DOCK2: variants seen among roughly 807,000 people sequenced by gnomAD.
DOCK2 encodes dedicator of cytokinesis protein 2.
In DOCK2, 87 loss-of-function variants were observed where a neutral mutation model predicts 248.9. The ratio of observed to expected loss-of-function variants is 0.35; its 90% confidence interval spans 0.29 to 0.42. The LOEUF (loss-of-function observed/expected upper bound fraction) is 0.42. DOCK2 is among the 10% of genes least tolerant of loss of function. The pLI, the probability that DOCK2 is intolerant of heterozygous loss-of-function variation, is 1.00. For synonymous variants in DOCK2, 805 were observed against 821.6 expected (o/e 0.98, Z 0.35); for missense variants, 1,747 against 2,300.2 (o/e 0.76, Z 4.92).
chr5:169,644,145 A>G lies in DOCK2; in HGVS notation c.43+6776A>G, dbSNP rs546106372. On this transcript the variant is annotated intron_variant, in intron 1 of 51. Coordinates refer to ENST00000520908, the MANE Select transcript of DOCK2 (RefSeq NM_004946.3). ...GAGGTCATAGGGAGCAGTGCCTCGT[A>G]GGTATTGTGAGGTCCTTGGCTTTTA... 3.5e-4 allele frequency among the ~76,000 whole-genome samples: 53 copies of G among 152,194 alleles called. 1 individual carries two copies. In the South Asian group the frequency reaches 1.0e-2, roughly 29 times the overall value.
intron 1 of DOCK2, among the ~76,000 whole-genome samples, chr5:169,643,978 C>T (rs1201215520): frequency 2.0e-5 from 3 of 152,196 alleles, no homozygotes; most frequent in Non-Finnish European, 4.4e-5. Context: ...GCTTCCCTGG[C>T]GGTGGCAGTC....
intron 27 of DOCK2, among the ~76,000 whole-genome samples, chr5:169,963,647 T>A (rs1434128658): frequency 6.6e-6 from 1 of 152,150 alleles, no homozygotes; most frequent in Non-Finnish European, 1.5e-5. Flanking sequence ...CTACCCAGAA[T>A]GTTAACCCAC....
chr5:169,848,883 G>T (rs572903119), intron 27 of DOCK2, among the ~76,000 whole-genome samples: 1 of 152,298 alleles, frequency 6.6e-6, no homozygotes, highest in African/African-American at 2.4e-5. Context: ...ACTCCAGGAG[G>T]CATCTGTGTC....
intron 27 of DOCK2, among the ~76,000 whole-genome samples, chr5:169,953,282 G>A (rs1465312774): frequency 6.7e-6 from 1 of 149,170 alleles, no homozygotes; most frequent in Non-Finnish European, 1.5e-5. Flanking sequence ...GCAGTAAGCC[G>A]AGATTACACC....
At chr5:169,835,593 T>C (rs762693268) in intron 26 of DOCK2, among the ~76,000 whole-genome samples, 3 of 152,004 alleles carry the variant, frequency 2.0e-5, no homozygotes, top group South Asian at 2.1e-4. Flanking sequence ...TAATAGACAA[T>C]GCCAAAAGTG....
intron 35 of DOCK2, among the ~76,000 whole-genome samples, chr5:170,034,827 G>A (rs1756267743): frequency 6.6e-6 from 1 of 152,192 alleles, no homozygotes; most frequent in Admixed American, 6.5e-5. Flanking sequence ...GAAGATGACA[G>A]TATAGACTGG....
At chr5:169,737,398 G>A (rs1344997903) in intron 22 of DOCK2, among the ~76,000 whole-genome samples, 1 of 152,124 alleles carries the variant, frequency 6.6e-6, no homozygotes, top group East Asian at 1.9e-4. Flanking sequence ...ATTATCTTAG[G>A]GAAATGGGGA....
intron 27 of DOCK2, among the ~76,000 whole-genome samples, chr5:169,958,982 G>A (rs1216776404): frequency 6.6e-6 from 1 of 152,194 alleles, no homozygotes; most frequent in Non-Finnish European, 1.5e-5. Flanking sequence ...AAATCAAACA[G>A]CTCCCGTTAG....
intron 27 of DOCK2, chr5:169,882,764 G>A (rs746780387): frequency 5.2e-6 from 8 of 1,551,814 alleles, no homozygotes; most frequent in Non-Finnish European, 7.0e-6. Context: ...GAGGATGGGA[G>A]ATGATTACTT....
At chr5:169,685,666 T>C (rs1228074341) in intron 8 of DOCK2, among the ~76,000 whole-genome samples, 1 of 152,192 alleles carries the variant, frequency 6.6e-6, no homozygotes, top group African/African-American at 2.4e-5. Flanking sequence ...GCCTGAGGAA[T>C]AGTGGTGCTT....
chr5:169,674,437 T>C lies in DOCK2; in HGVS notation c.462T>C (p.Tyr154=), dbSNP rs367573686. 44 of 1,614,126 alleles carry C rather than the reference T, an allele frequency of 2.7e-5. No homozygotes were observed. In the African/African-American group the frequency reaches 5.7e-4, roughly 21 times the overall value. The change falls in exon 6 of 52, where the codon TAT becomes TAC. Residue 154 remains tyrosine, a synonymous_variant. Transcript: ENST00000520908. ...LKQKVTSKID[Y]GNKILELDLI... ...AGAAAGTCACGTCCAAAATTGACTA[T>C]GGCAACAAGTAACCTCTCTTTCCTC...
At position 169,718,742 on chromosome 5, in the gene DOCK2, T is replaced by A. The variant is rs771779242; in HGVS notation, c.2218T>A (p.Leu740Met). ...GCCAATCCTAAGAACGCTGAAGGCTTTGGAATATGTGTTCAAGTTCATTGT... is the reference window on the plus strand; with the variant it reads ...GCCAATCCTAAGAACGCTGAAGGCTATGGAATATGTGTTCAAGTTCATTGT... ...CEPILRTLKALEYVFKFIVRS... is the reference protein window; with the variant it reads ...CEPILRTLKAMEYVFKFIVRS... The change falls in exon 22 of 52, where the codon TTG becomes ATG. Residue 740 changes from leucine to methionine, a missense_variant. By Grantham distance (15) the Leu-to-Met change is conservative. Transcript: ENST00000520908. 2.5e-6 allele frequency: 4 copies of A among 1,613,804 alleles called. No individual in the cohort carries two copies. The highest frequency in any genetic ancestry group is 3.4e-6 in the Non-Finnish European group (4 of 1,179,872).
chr5:170,033,388 T>C (rs1756212026), intron 34 of DOCK2, among the ~76,000 whole-genome samples: 1 of 152,194 alleles, frequency 6.6e-6, no homozygotes, highest in South Asian at 2.1e-4. Flanking sequence ...TAAAAAATAA[T>C]TTACACATAC....
At chr5:169,824,094 A>G (rs1768672903) in intron 26 of DOCK2, among the ~76,000 whole-genome samples, 1 of 152,174 alleles carries the variant, frequency 6.6e-6, no homozygotes, top group Non-Finnish European at 1.5e-5. Flanking sequence ...AAGGAGAACT[A>G]CAAACCACTG....
intron 6 of DOCK2, among the ~76,000 whole-genome samples, chr5:169,678,537 AC>A (rs1554087542): frequency 6.6e-6 from 1 of 152,166 alleles, no homozygotes; most frequent in Non-Finnish European, 1.5e-5. Flanking sequence ...TGCTGGGATT[AC>A]AGTCATAAGC....
chr5:169,658,479 C>CAA (rs5873187), intron 2 of DOCK2, among the ~76,000 whole-genome samples: 6,595 of 75,810 alleles, frequency 0.087, 590 homozygotes, highest in Middle Eastern at 0.13. Flanking sequence ...GCCTCCGTCT[C>CAA]AAAAAAAAAA....
chr5:169,901,342 G>A (rs1275405631), intron 27 of DOCK2, among the ~76,000 whole-genome samples: 3 of 152,162 alleles, frequency 2.0e-5, no homozygotes, highest in Non-Finnish European at 4.4e-5. Flanking sequence ...CAGGAGTGAT[G>A]ATATTGGTCC....
chr5:169,695,656 A>G (rs1341116138), intron 9 of DOCK2, 147 bp from the exon 10 acceptor site: 25 of 1,190,668 alleles, frequency 2.1e-5, no homozygotes, highest in South Asian at 6.3e-5. Flanking sequence ...CCTTGTTTCT[A>G]TCTTTTCCAG....
chr5:169,898,903 C>A (rs1444452677), intron 27 of DOCK2, among the ~76,000 whole-genome samples: 2 of 152,148 alleles, frequency 1.3e-5, no homozygotes, highest in Non-Finnish European at 2.9e-5. Flanking sequence ...AAATGAGCAA[C>A]CACAGAGACT....
Sources: gnomAD v4.1 joint callset for allele counts (sites outside exome capture counted in the v4.1 genomes callset) on GRCh38, gnomAD v4.1.1 for gene constraint, MANE v1.5 for transcripts, NCBI Gene and HGNC (gene_info 2026-07-23, HGNC 2026-07-21) for gene names.